Variants in HSD17B2 observed in about 807,000 individuals in gnomAD.
HSD17B2 encodes 17-beta-hydroxysteroid dehydrogenase type 2.
In HSD17B2, 32 loss-of-function variants were observed where a neutral mutation model predicts 26.9. That is an observed-to-expected ratio of 1.19 (90% CI 0.90 to 1.60). The LOEUF is 1.60. HSD17B2 is among the 40% of genes most tolerant of loss of function. HSD17B2 has a pLI of 0.00. For missense variants in HSD17B2, 613 were observed against 468.6 expected (o/e 1.31, Z -2.85); for synonymous variants, 246 against 186.7 (o/e 1.32, Z -2.59).
intron 1 of HSD17B2, among the ~76,000 whole-genome samples, chr16:82,053,484 A>G (rs2049922015): frequency 6.6e-6 from 1 of 152,106 alleles, no homozygotes. Flanking sequence ...TTGAAAACTA[A>G]GATAAAAAAT....
intron 1 of HSD17B2, among the ~76,000 whole-genome samples, chr16:82,049,993 G>C (rs1914058053): frequency 6.6e-6 from 1 of 152,202 alleles, no homozygotes; most frequent in Non-Finnish European, 1.5e-5. Context: ...CCCACTCCCA[G>C]AGCTCAAGTT....
chr16:82,068,217 C>A lies in HSD17B2; in HGVS notation c.313C>A (p.Leu105Met). ...TGCTTTGTGCAAGTATCTGGATGAG[C>A]TGGGCTTCACGGTATTTGCCGGAGT... ...GHALCKYLDE[L>M]GFTVFAGVLN... Residue 105 changes from leucine (L) to methionine (M), a missense_variant, in exon 2 of 5, where the codon CTG becomes ATG. Leu to Met is a conservative substitution (Grantham distance 15, BLOSUM62 2). Transcript: ENST00000199936. 1 of 1,614,116 alleles carries A rather than the reference C, an allele frequency of 6.2e-7. No individual in the cohort carries two copies. Among genetic ancestry groups the A allele is most frequent in the Non-Finnish European group, 8.5e-7 (1 of 1,180,042 alleles).
At chr16:82,043,250 C>T (rs1238588484) in intron 1 of HSD17B2, among the ~76,000 whole-genome samples, 1 of 152,172 alleles carries the variant, frequency 6.6e-6, no homozygotes, top group African/African-American at 2.4e-5. Flanking sequence ...AATGTGGGGA[C>T]TGGGGCTCCC....
At chr16:82,087,108 C>T (rs1028544846) in intron 3 of HSD17B2, among the ~76,000 whole-genome samples, 1 of 152,118 alleles carries the variant, frequency 6.6e-6, no homozygotes, top group African/African-American at 2.4e-5. Flanking sequence ...TTGGGAAACA[C>T]AAACATTAAG....
intron 1 of HSD17B2, among the ~76,000 whole-genome samples, chr16:82,055,781 C>T (rs1390395364): frequency 2.0e-5 from 3 of 152,146 alleles, no homozygotes; most frequent in African/African-American, 7.2e-5. Flanking sequence ...AACCGGAAAA[C>T]CATGCAATAG....
Position 82,035,676 on chromosome 16 carries a change from A to G in HSD17B2, c.252A>G (p.Ala84=). 6.2e-7 allele frequency: 1 copy of G among 1,613,834 alleles called. No homozygotes were observed. The highest frequency in any genetic ancestry group is 8.5e-7 in the Non-Finnish European group (1 of 1,179,900). Residue 84 remains alanine (A), a synonymous_variant, in exon 1 of 5, where the codon GCA becomes GCG. Coordinates refer to ENST00000199936, the MANE Select transcript of HSD17B2 (RefSeq NM_002153.3). ...AATTGTTACCTGTGGATCAGAAGGC[A>G]GTCCTGGTGACAGGTAAGCAGACGG... The part of the protein sequence containing the change: ...GQELLPVDQK[A]VLVTGGDCGL...
intron 1 of HSD17B2, among the ~76,000 whole-genome samples, chr16:82,066,046 T>C (rs1420518759): frequency 6.6e-6 from 1 of 152,202 alleles, no homozygotes. Context: ...GTTGGATTTG[T>C]CCAGCAACAG....
At chr16:82,042,157 C>A (rs1323883650) in intron 1 of HSD17B2, among the ~76,000 whole-genome samples, 1 of 152,076 alleles carries the variant, frequency 6.6e-6, no homozygotes, top group East Asian at 1.9e-4. Flanking sequence ...GGGCCCACAA[C>A]CATGCCTAGC....
chr16:82,046,816 A>T (rs1913944504), intron 1 of HSD17B2, among the ~76,000 whole-genome samples: 1 of 150,778 alleles, frequency 6.6e-6, no homozygotes, highest in Non-Finnish European at 1.5e-5. Context: ...CCACTCAACG[A>T]TGAAGAAATT....
chr16:82,040,699 A>G (rs1404644465), intron 1 of HSD17B2, among the ~76,000 whole-genome samples: 1 of 152,210 alleles, frequency 6.6e-6, no homozygotes, highest in Non-Finnish European at 1.5e-5. Flanking sequence ...ATGAGGGATG[A>G]TGAAATAAGA....
chr16:82,050,184 T>G (rs1914064071), intron 1 of HSD17B2, among the ~76,000 whole-genome samples: 1 of 152,248 alleles, frequency 6.6e-6, no homozygotes, highest in Non-Finnish European at 1.5e-5. Context: ...GCGCTTTATA[T>G]GCTTGAAACT....
rs1218196261 is a variant in HSD17B2, at chr16:82,091,053, C to A, written c.802+14C>A. 6.2e-7 allele frequency: 1 copy of A among 1,613,476 alleles called. No individual in the cohort carries two copies. The highest frequency in any genetic ancestry group is 1.7e-5 in the Admixed American group (1 of 59,992). On this transcript the variant is annotated intron_variant, in intron 4 of 4. Coordinates refer to ENST00000199936, the MANE Select transcript of HSD17B2 (RefSeq NM_002153.3). The stretch of plus-strand genomic sequence containing the variant: ...GCTTCCTAACAAGTAGGTTTCTGAG[C>A]CCAAGAACCTGTGATGTTCATCCTG...
At chr16:82,066,256 TG>T (rs562902452) in intron 1 of HSD17B2, among the ~76,000 whole-genome samples, 19 of 152,216 alleles carry the variant, frequency 1.2e-4, no homozygotes, top group South Asian at 4.1e-4. Flanking sequence ...AGCTATTTGC[TG>T]GGCAATGACA....
intron 1 of HSD17B2, among the ~76,000 whole-genome samples, chr16:82,049,636 G>C (rs554769179): frequency 6.6e-6 from 1 of 152,212 alleles, no homozygotes; most frequent in Non-Finnish European, 1.5e-5. Flanking sequence ...AACAGCCCTG[G>C]GGCTTTATCA....
chr16:82,053,769 G>A (rs1445405968), intron 1 of HSD17B2, among the ~76,000 whole-genome samples: 2 of 152,204 alleles, frequency 1.3e-5, no homozygotes, highest in African/African-American at 4.8e-5. Context: ...TCCATGGAAA[G>A]AAAGCTTCAT....
intron 1 of HSD17B2, among the ~76,000 whole-genome samples, chr16:82,054,081 T>C (rs866896056): frequency 6.6e-6 from 1 of 152,060 alleles, no homozygotes; most frequent in Admixed American, 6.5e-5. Context: ...AGCTTGTCTT[T>C]CTCCAAGTCA....
intron 3 of HSD17B2, among the ~76,000 whole-genome samples, chr16:82,087,868 T>G (rs1904574153): frequency 2.0e-5 from 3 of 151,758 alleles, no homozygotes; most frequent in Non-Finnish European, 2.9e-5. Flanking sequence ...GGGGCCAAAA[T>G]CCCCTTTTTA....
chr16:82,045,248 C>T (rs980227257), intron 1 of HSD17B2, among the ~76,000 whole-genome samples: 7 of 151,758 alleles, frequency 4.6e-5, no homozygotes, highest in African/African-American at 1.7e-4. Flanking sequence ...TGACTGTGAA[C>T]TTAAATGGGG....
At chr16:82,091,891 C>G (rs1256503182) in intron 4 of HSD17B2, 1 of 152,194 alleles carries the variant, frequency 6.6e-6, no homozygotes, top group Non-Finnish European at 1.5e-5. Context: ...AAGCAGAGGC[C>G]ACACTGGGTT....
Sources: gnomAD v4.1 joint callset for allele counts (sites outside exome capture counted in the v4.1 genomes callset) on GRCh38, gnomAD v4.1.1 for gene constraint, MANE v1.5 for transcripts, NCBI Gene and HGNC (gene_info 2026-07-23, HGNC 2026-07-21) for gene names.